DGKQ: variants seen among roughly 807,000 people sequenced by gnomAD.
DGKQ encodes DAG kinase theta.
Under a neutral mutation model 104.2 loss-of-function variants are expected in DGKQ, and 97 were observed. That is an observed-to-expected ratio of 0.93 (90% CI 0.79 to 1.10). DGKQ has a LOEUF of 1.10. Among genes scored for constraint, DGKQ ranks in the 50% least tolerant of loss-of-function variants. DGKQ has a pLI of 0.00. For synonymous variants in DGKQ, 736 were observed against 595.2 expected, an observed-to-expected ratio of 1.24 and a Z score of -3.44; for missense variants, 1,465 against 1,352.1, an observed-to-expected ratio of 1.08 and a Z score of -1.31.
In DGKQ at chr4:967,420, G is replaced by A. The variant is rs1315781577; in HGVS notation, c.988-59C>T. 8 of 1,308,800 alleles carry A rather than the reference G, an allele frequency of 6.1e-6. No individual in the cohort carries two copies. The African/African-American group carries it at 7.3e-5, about 12-fold the overall frequency. 81.1% of individuals were successfully genotyped at this position (1,308,800 alleles called of 1,614,324 possible). ...GGGGGGTCAGGCGGGGTTCAGTGGG[G>A]GGCAGGTCATGGAGGGGGAGGCCAG... On this transcript the variant is annotated intron_variant, in intron 8 of 22. Transcript: ENST00000273814.
In DGKQ at chr4:967,872, C is replaced by T; in HGVS notation, c.811+8G>A. The T allele has an allele frequency of 6.8e-7, 1 of 1,463,648 alleles. No individual in the cohort carries two copies. The highest frequency in any genetic ancestry group is 1.4e-5 in the African/African-American group (1 of 69,406). The allele number at this position is 1,463,648 out of a possible 1,614,324, so 90.7% of individuals were successfully genotyped here. On this transcript the variant is annotated splice_region_variant and intron_variant, in intron 6 of 22. Coordinates refer to ENST00000273814, the MANE Select transcript of DGKQ (RefSeq NM_001347.4). ...AGCCCAGGGCGCCCCGGCCGGCCCG[C>T]ACCTCACCCGGCTCCGCGGCCTCCA...
chr4:966,707 G>T, intron 11 of DGKQ, 41 bp downstream of exon 11: 1 of 1,582,938 alleles, frequency 6.3e-7, no homozygotes. Context: ...AAACCCAAAA[G>T]GTGCAGGGAC....
At position 962,087 on chromosome 4, in the gene DGKQ, G is replaced by A. The variant is rs1326677560; in HGVS notation, c.2215-5C>T. 6.2e-7 allele frequency: 1 copy of A among 1,609,356 alleles called. No homozygotes were observed. Reference sequence around the variant, plus strand: ...GTAGTTACTCATCTGCACGATCTGGGGACAGGGCGTTCATCTCCCAGGACC... The same window carrying A: ...GTAGTTACTCATCTGCACGATCTGGAGACAGGGCGTTCATCTCCCAGGACC... On this transcript the variant is annotated splice_region_variant and splice_polypyrimidine_tract_variant and intron_variant, in intron 18 of 22. Transcript: ENST00000273814.
At position 964,717 on chromosome 4, in the gene DGKQ, G is replaced by C. The variant is rs578239433; in HGVS notation, c.1734+459C>G. ...CAGAGGCCCTAAGGCCTCCCGGGCA[G>C]GGGGAGTGAGGCTGAGGCTGTACCG... On this transcript the variant is annotated intron_variant, in intron 15 of 22. Transcript: ENST00000273814. Among the ~76,000 whole-genome samples the C allele has an allele frequency of 2.4e-3, 372 of 152,330 alleles. 2 individuals are homozygous for C. The highest frequency in any genetic ancestry group is 8.3e-3 in the African/African-American group (346 of 41,568).
In DGKQ at chr4:971,410, G is replaced by A. The variant is rs769822775; in HGVS notation, c.272-338C>T. ...GGGCAGCCCTGGGCTCACCAGGTTC[G>A]CCAGGTGGCAGGGGCTTCTCGGCCT... On this transcript the variant is annotated intron_variant, in intron 1 of 22. Coordinates refer to ENST00000273814, the MANE Select transcript of DGKQ (RefSeq NM_001347.4). The surrounding 1 kb of genome is among the most constrained non-coding windows in gnomAD (Gnocchi z 4.0). Among the ~76,000 whole-genome samples the A allele has an allele frequency of 2.6e-5, 4 of 152,202 alleles. No individual in the cohort carries two copies. The highest frequency in any genetic ancestry group is 4.4e-5 in the Non-Finnish European group (3 of 68,024).
In DGKQ at chr4:966,024, C is replaced by T; in HGVS notation, c.1483G>A (p.Val495Ile). 2 of 1,604,914 alleles carry T rather than the reference C, an allele frequency of 1.2e-6. No homozygotes were observed. Among genetic ancestry groups the T allele is most frequent in the East Asian group, 2.2e-5 (1 of 44,600 alleles). Reference sequence around the variant, plus strand: ...ACAAACAGGGAGACGTGCGGGGCTACATCCCTGCTCTCTGCCACGTAGAAC... The same window carrying T: ...ACAAACAGGGAGACGTGCGGGGCTATATCCCTGCTCTCTGCCACGTAGAAC... ...TRFYVAESRD[V>I]APHVSLFVGG... is the part of the protein sequence containing the mutation. Residue 495 changes from valine (V) to isoleucine (I), a missense_variant, in exon 13 of 23, where the codon GTA becomes ATA. Physicochemically the swap from Val to Ile is conservative, Grantham distance 29 (BLOSUM62 3). Coordinates refer to ENST00000273814, the MANE Select transcript of DGKQ (RefSeq NM_001347.4).
In DGKQ at chr4:968,018, G is replaced by A. The variant is rs1712570724; in HGVS notation, c.673C>T (p.Leu225Phe). The A allele has an allele frequency of 2.8e-6, 4 of 1,437,464 alleles. No individual in the cohort carries two copies. The South Asian group carries it at 4.4e-5, about 16-fold the overall frequency. The allele number at this position is 1,437,464 out of a possible 1,614,324, so 89.0% of individuals were successfully genotyped here. Reference sequence around the variant, plus strand: ...TCGGGAGCCAGCGCCGCGGAGCAGAGGGAGTGCGCCTGGGGGGAGAAGGGC... The same window carrying A: ...TCGGGAGCCAGCGCCGCGGAGCAGAAGGAGTGCGCCTGGGGGGAGAAGGGC... ...CEWCGVQAHSLCSAALAPECG... is the reference protein window; with the variant it reads ...CEWCGVQAHSFCSAALAPECG... The change falls in exon 6 of 23, where the codon CTC becomes TTC. Residue 225 changes from leucine (L) to phenylalanine (F), a missense_variant. By Grantham distance (22) the Leu-to-Phe change is conservative. Coordinates refer to ENST00000273814, the MANE Select transcript of DGKQ (RefSeq NM_001347.4).
chr4:963,078 G>A lies in DGKQ; in HGVS notation c.1886+61C>T, dbSNP rs1350025287. On this transcript the variant is annotated intron_variant, in intron 16 of 22. Coordinates refer to ENST00000273814, the MANE Select transcript of DGKQ (RefSeq NM_001347.4). The stretch of plus-strand genomic sequence containing the variant: ...CCTGCCGGCCGAGACAGCTGTGGCA[G>A]CCTCCTGGGGCCCTTCCCGCCCCTG... 3.9e-6 allele frequency: 6 copies of A among 1,526,926 alleles called. No individual in the cohort carries two copies. In the South Asian group the frequency reaches 5.0e-5, roughly 13 times the overall value. 94.6% of individuals were successfully genotyped at this position (1,526,926 alleles called of 1,614,324 possible). A position where few individuals can be genotyped will look rare whatever the true frequency, so the allele number is the denominator to read the frequency against.
Position 973,409 on chromosome 4 carries a change from C to A in DGKQ, c.74G>T (p.Cys25Phe). 1 of 1,010,430 alleles carries A rather than the reference C, an allele frequency of 9.9e-7. No homozygotes were observed. Among genetic ancestry groups the A allele is most frequent in the Non-Finnish European group, 1.2e-6 (1 of 847,704 alleles). 62.6% of individuals were successfully genotyped at this position (1,010,430 alleles called of 1,614,324 possible). A position where few individuals can be genotyped will look rare whatever the true frequency, so the allele number is the denominator to read the frequency against. Residue 25 changes from cysteine (C) to phenylalanine (F), a missense_variant, in exon 1 of 23, where the codon TGC (cysteine) becomes TTC (phenylalanine). Coordinates refer to ENST00000273814, the MANE Select transcript of DGKQ (RefSeq NM_001347.4). Reference protein sequence around the residue: ...GGSPRPGSPACSPVLGSGGRA... With the variant: ...GGSPRPGSPAFSPVLGSGGRA... ...GCCTCCTGAGCCCAGCACGGGGCTG[C>A]AGGCCGGGCTGCCGGGGCGCGGGGA... is the stretch of plus-strand genomic sequence containing the variant.
intron 13 of DGKQ, 70 bp downstream of exon 13, chr4:965,858 T>C (rs1284383625): frequency 6.8e-7 from 1 of 1,470,482 alleles, no homozygotes; most frequent in South Asian, 1.3e-5. Flanking sequence ...GGCTCAGCAC[T>C]GCAGCCCCAC....
rs748071061 is a variant in DGKQ, at chr4:962,605, G to A, written c.2044C>T (p.Leu682Phe). ...AILPLGTGND[L>F]GRVLRWGAGY... ...GCCCCCCAGCGGAGGACTCGACCAA[G>A]GTCATTCCCTGGGACACAAGCAGAC... The change falls in exon 18 of 23, where the codon CTT (leucine) becomes TTT (phenylalanine). Residue 682 changes from leucine (L) to phenylalanine (F), a missense_variant. By Grantham distance (22) the Leu-to-Phe change is conservative. Coordinates refer to ENST00000273814, the MANE Select transcript of DGKQ (RefSeq NM_001347.4). 2 of 1,607,762 alleles carry A rather than the reference G, an allele frequency of 1.2e-6. No individual in the cohort carries two copies. The highest frequency in any genetic ancestry group is 1.7e-6 in the Non-Finnish European group (2 of 1,179,698).
In DGKQ at chr4:967,348, C is replaced by T. The variant is rs746616143; in HGVS notation, c.1001G>A (p.Arg334Gln). The T allele has an allele frequency of 3.6e-5, 55 of 1,534,492 alleles. No individual in the cohort carries two copies. In the East Asian group the frequency reaches 8.8e-4, roughly 25 times the overall value. The change falls in exon 9 of 23, where the codon CGG becomes CAG. Residue 334 changes from arginine (R) to glutamine (Q), a missense_variant. Physicochemically the swap from Arg to Gln is conservative, Grantham distance 43. Transcript: ENST00000273814. ...GAEEVLEAALRAHHIPEDPGH... is the reference protein window; with the variant it reads ...GAEEVLEAALQAHHIPEDPGH... ...AGGGTCCTCGGGGATGTGGTGGGCC[C>T]GCAGTGCGGCCTCCTGCAGGGCACC...
chr4:961,965 C>T lies in DGKQ; in HGVS notation c.2315+17G>A, dbSNP rs1356367624. On this transcript the variant is annotated intron_variant, in intron 19 of 22. Coordinates refer to ENST00000273814, the MANE Select transcript of DGKQ (RefSeq NM_001347.4). ...AGGTATGCCGTTGACAGGTGGTAGCCCCTGCGGCTCCGGTACCTGCTTGTG... is the reference window on the plus strand; with the variant it reads ...AGGTATGCCGTTGACAGGTGGTAGCTCCTGCGGCTCCGGTACCTGCTTGTG... 1.2e-6 allele frequency: 2 copies of T among 1,612,482 alleles called. No individual in the cohort carries two copies. Among genetic ancestry groups the T allele is most frequent in the Admixed American group, 1.7e-5 (1 of 60,006 alleles).
Position 961,572 on chromosome 4 carries a change from G to T in DGKQ, c.2469C>A (p.Gly823=), listed in dbSNP as rs778790323. The change falls in exon 21 of 23, where the codon GGC becomes GGA. Residue 823 remains glycine (G), a synonymous_variant. Transcript: ENST00000273814. ...GLIFINIPSW[G]SGADLWGSDS... ...CGGAGCCCCACAGGTCGGCCCCCGA[G>T]CCCCAGCTGCCGCATAAGAGAGCGG... The T allele has an allele frequency of 6.2e-7, 1 of 1,609,028 alleles. No individual in the cohort carries two copies. The highest frequency in any genetic ancestry group is 1.3e-5 in the African/African-American group (1 of 74,936).
chr4:972,600 G>A (rs542047147), intron 1 of DGKQ, among the ~76,000 whole-genome samples: 4 of 150,948 alleles, frequency 2.6e-5, no homozygotes, highest in African/African-American at 9.7e-5. Context: ...TCCAGAGGCT[G>A]GGCTGTGGTC....
chr4:967,395 GGGGGGTCAGGC>G, intron 8 of DGKQ, 34 bp from the exon 9 acceptor site: 3 of 1,463,216 alleles, frequency 2.1e-6, no homozygotes, highest in East Asian at 5.0e-5. Flanking sequence ...GCCAAGTTGT[GGGGGGTCAGGC>G]GGGGTTCAGT....
In DGKQ at chr4:967,788, C is replaced by T. The variant is rs761516453; in HGVS notation, c.826G>A (p.Gly276Ser). Residue 276 changes from glycine to serine, a missense_variant, in exon 7 of 23, where the codon GGC (glycine) becomes AGC (serine). Physicochemically the swap from Gly to Ser is moderately conservative, Grantham distance 56. Transcript: ENST00000273814. ...CCCACGGCAGCGCTCCCGTCGGCGC[C>T]GTCGCCCCCCTCGCCTGCGGGTCGG... Reference protein sequence around the residue: ...EAAEPGEGGDGADGSAAVGPG... With the variant: ...EAAEPGEGGDSADGSAAVGPG... 1.2e-6 allele frequency: 2 copies of T among 1,603,238 alleles called. No individual in the cohort carries two copies. Among genetic ancestry groups the T allele is most frequent in the South Asian group, 2.2e-5 (2 of 90,026 alleles).
At chr4:972,730 C>T (rs1024906265) in intron 1 of DGKQ, among the ~76,000 whole-genome samples, 2 of 152,226 alleles carry the variant, frequency 1.3e-5, no homozygotes, top group African/African-American at 4.8e-5. Context: ...GAAGGGCTGT[C>T]CTCACCCCAG....
In DGKQ at chr4:959,963, T is replaced by TAA. The variant is rs1181427252; in HGVS notation, c.*656_*657insTT. 6.6e-6 allele frequency: 1 copy of TAA among 152,238 alleles called. No individual in the cohort carries two copies. Among genetic ancestry groups the TAA allele is most frequent in the Non-Finnish European group, 1.5e-5 (1 of 68,066 alleles). 9.4% of individuals were successfully genotyped at this position (152,238 alleles called of 1,614,324 possible). A position where few individuals can be genotyped will look rare whatever the true frequency, so the allele number is the denominator to read the frequency against. On this transcript the variant is annotated 3_prime_UTR_variant, in exon 23 of 23. Transcript: ENST00000273814. ...GGTCCAGCTGGGCACTGCCTGCCCC[T>TAA]GGAGCTGTACCTGAGATCCAAGCTG...
Sources: allele counts gnomAD v4.1 joint callset (sites outside exome capture counted in the v4.1 genomes callset), GRCh38; gene constraint gnomAD v4.1.1; non-coding constraint Gnocchi (gnomAD v3.1); transcripts MANE v1.5; gene names NCBI Gene and HGNC (gene_info 2026-07-23, HGNC 2026-07-21).